Variants in PCDHGA1 observed in about 807,000 individuals in gnomAD.
PCDHGA1 encodes the protein protocadherin gamma-A1.
A neutral mutation model predicts 58.0 loss-of-function variants in PCDHGA1; 32 were observed. The ratio of observed to expected loss-of-function variants is 0.55; its 90% CI spans 0.42 to 0.74. The LOEUF is 0.74. PCDHGA1 is among the 30% of genes least tolerant of loss of function. The pLI, the probability that PCDHGA1 is intolerant of heterozygous loss-of-function variation, is 0.00. For synonymous variants in PCDHGA1, 498 were observed against 501.1 expected, an observed-to-expected ratio of 0.99 and a Z score of 0.08; for missense variants, 1,205 against 1,182.3, an observed-to-expected ratio of 1.02 and a Z score of -0.28.
In PCDHGA1 at chr5:141,344,253, C is replaced by G. The variant is rs200564331; in HGVS notation, c.2421+11148C>G. The G allele has an allele frequency of 3.0e-4, 487 of 1,614,050 alleles. No individual in the cohort carries two copies. The highest frequency in any genetic ancestry group is 3.8e-4 in the Non-Finnish European group (452 of 1,179,896). ...CATCGTCTCCAGAGGTAGGACGCAGCTTTTCTCTCTGAATCCGCAAAGCGG... is the reference window on the plus strand; with the variant it reads ...CATCGTCTCCAGAGGTAGGACGCAGGTTTTCTCTCTGAATCCGCAAAGCGG... On this transcript the variant is annotated intron_variant, in intron 1 of 3. Coordinates refer to ENST00000517417, the MANE Select transcript of PCDHGA1 (RefSeq NM_018912.3).
At chr5:141,425,391 A>G (rs2096872046) in intron 1 of PCDHGA1, among the ~76,000 whole-genome samples, 1 of 152,238 alleles carries the variant, frequency 6.6e-6, no homozygotes, top group South Asian at 2.1e-4. Flanking sequence ...AGGTAGTGAT[A>G]AAGTTCTGTT....
chr5:141,496,984 G>C (rs938752499), intron 2 of PCDHGA1, among the ~76,000 whole-genome samples: 1 of 151,896 alleles, frequency 6.6e-6, no homozygotes, highest in Admixed American at 6.6e-5. Context: ...TCAGGGGTTT[G>C]AGACCAGCCT....
intron 1 of PCDHGA1, chr5:141,374,803 A>C (rs371815306): frequency 4.3e-6 from 7 of 1,613,866 alleles, no homozygotes; most frequent in African/African-American, 4.0e-5. Flanking sequence ...ACAACACTCC[A>C]ATGTTTACTC....
At position 141,512,903 on chromosome 5, in the gene PCDHGA1, CAA is replaced by C. The variant is rs2099884494; in HGVS notation, c.*1731_*1732del. The C allele has an allele frequency of 6.6e-6, 1 of 152,224 alleles. No individual in the cohort carries two copies. Among genetic ancestry groups the C allele is most frequent in the African/African-American group, 2.4e-5 (1 of 41,452 alleles). 9.4% of individuals were successfully genotyped at this position (152,224 alleles called of 1,614,324 possible). On this transcript the variant is annotated 3_prime_UTR_variant, in exon 4 of 4. Transcript: ENST00000517417. ...CCCCACCCTCTTCCTGTGTCTCACG[CAA>C]GTTTTATACTCTAATATTTATATGG...
chr5:141,414,822 C>G, intron 1 of PCDHGA1: 3 of 1,614,240 alleles, frequency 1.9e-6, no homozygotes, highest in Non-Finnish European at 2.5e-6. Flanking sequence ...TCAGCAGCAA[C>G]GTGTCGTTGA....
intron 1 of PCDHGA1, chr5:141,350,478 A>T (rs527554810): frequency 6.2e-7 from 1 of 1,614,010 alleles, no homozygotes; most frequent in Admixed American, 1.7e-5. Flanking sequence ...GATTATTTCA[A>T]CGTTAGTTTG....
At position 141,490,688 on chromosome 5, in the gene PCDHGA1, C is replaced by A; in HGVS notation, c.2422-4119C>A. ...ACTGTGGCTGCCTCAGATCCAGACA[C>A]TGGGGATAATGCCCGCCTCACCTAC... On this transcript the variant is annotated intron_variant, in intron 1 of 3. Coordinates refer to ENST00000517417, the MANE Select transcript of PCDHGA1 (RefSeq NM_018912.3). The surrounding 1 kb of genome is among the most constrained non-coding windows in gnomAD (Gnocchi z 5.4). The A allele has an allele frequency of 6.2e-7, 1 of 1,614,218 alleles. No individual in the cohort carries two copies. The highest frequency in any genetic ancestry group is 8.5e-7 in the Non-Finnish European group (1 of 1,180,032).
In PCDHGA1 at chr5:141,341,386, G is replaced by C. The variant is rs770955944; in HGVS notation, c.2421+8281G>C. ...TACTCGAAGAAGAAAGAGAAGAAAC[G>C]TTTTCTCAGGTAATCTATCTTTTCA... is the stretch of plus-strand genomic sequence containing the variant. On this transcript the variant is annotated intron_variant, in intron 1 of 3. Transcript: ENST00000517417. 20 of 1,614,166 alleles carry C rather than the reference G, an allele frequency of 1.2e-5. No homozygotes were observed. The South Asian group carries it at 2.0e-4, about 16-fold the overall frequency.
chr5:141,332,755 CTG>C lies in PCDHGA1; in HGVS notation c.2073_2074del (p.Tyr692ProfsTer94), dbSNP rs1221413581. 1.2e-6 allele frequency: 2 copies of C among 1,613,978 alleles called. No homozygotes were observed. The highest frequency in any genetic ancestry group is 2.7e-5 in the African/African-American group (2 of 74,946). The part of the protein sequence containing the change: ...SAKPNDSDLT[L>X]YLVVAAAAVS... ...CAAACCCAACGATTCGGACCTCACT[CTG>C]TACCTGGTGGTGGCGGCGGCCGCGG... On this transcript the variant is annotated frameshift_variant, in exon 1 of 4. Coordinates refer to ENST00000517417, the MANE Select transcript of PCDHGA1 (RefSeq NM_018912.3). LOFTEE classifies it high-confidence loss of function. This position sits in a 1 kb window ranked among gnomAD's most constrained non-coding sequence, Gnocchi z 4.6.
chr5:141,481,733 C>A (rs2099543522), intron 1 of PCDHGA1, among the ~76,000 whole-genome samples: 1 of 152,078 alleles, frequency 6.6e-6, no homozygotes, highest in Admixed American at 6.6e-5. Context: ...GCGGGCGGAT[C>A]ACGAGGTCAG....
chr5:141,344,308 G>C, intron 1 of PCDHGA1: 3 of 1,614,068 alleles, frequency 1.9e-6, no homozygotes, highest in Non-Finnish European at 2.5e-6. Context: ...AGGATAGACC[G>C]GGAGGAGCTC....
intron 2 of PCDHGA1, among the ~76,000 whole-genome samples, chr5:141,502,152 C>T (rs1306227782): frequency 2.0e-5 from 3 of 152,128 alleles, no homozygotes; most frequent in African/African-American, 4.8e-5. Flanking sequence ...AAGTAAGGAC[C>T]CCAGATATTC....
chr5:141,467,736 G>A (rs1435480730), intron 1 of PCDHGA1, among the ~76,000 whole-genome samples: 1 of 151,902 alleles, frequency 6.6e-6, no homozygotes, highest in Non-Finnish European at 1.5e-5. Flanking sequence ...ATCCCAGCTC[G>A]CTGCAACCTC....
At chr5:141,423,463 G>T (rs772779471) in intron 1 of PCDHGA1, 22 of 1,613,992 alleles carry the variant, frequency 1.4e-5, no homozygotes, top group Non-Finnish European at 1.8e-5. Context: ...AGGCGTGGAC[G>T]GGGTACAGGC....
At chr5:141,365,734 T>G (rs145748099) in intron 1 of PCDHGA1, 1 of 1,613,550 alleles carries the variant, frequency 6.2e-7, no homozygotes, top group South Asian at 1.1e-5. Flanking sequence ...ATCCCAGAGG[T>G]GTCTCTATCT....
At chr5:141,359,934 C>A (rs1014353830) in intron 1 of PCDHGA1, 1 of 464,554 alleles carries the variant, frequency 2.2e-6, no homozygotes, top group East Asian at 3.3e-5. Flanking sequence ...AACCTCTGAG[C>A]GTCGCTGTTG....
At position 141,486,960 on chromosome 5, in the gene PCDHGA1, T is replaced by C; in HGVS notation, c.2422-7847T>C. On this transcript the variant is annotated intron_variant, in intron 1 of 3. Transcript: ENST00000517417. The surrounding 1 kb of genome is among the most constrained non-coding windows in gnomAD (Gnocchi z 5.0). Reference sequence around the variant, plus strand: ...CACCTAATCACAAAGGTGACTGCTGTGGACTTGGATTCAGGTTACAATGCT... The same window carrying C: ...CACCTAATCACAAAGGTGACTGCTGCGGACTTGGATTCAGGTTACAATGCT... The C allele has an allele frequency of 6.2e-7, 1 of 1,614,228 alleles. No individual in the cohort carries two copies. Among genetic ancestry groups the C allele is most frequent in the Non-Finnish European group, 8.5e-7 (1 of 1,180,034 alleles).
Position 141,489,819 on chromosome 5 carries a change from G to T in PCDHGA1, c.2422-4988G>T. On this transcript the variant is annotated intron_variant, in intron 1 of 3. Transcript: ENST00000517417. This position sits in a 1 kb window ranked among gnomAD's most constrained non-coding sequence, Gnocchi z 4.5. ...TAAAAGATGGGAAGCCATTCCCAGA[G>T]CTGGTGCTAGAGCAGCAGCTGGATC... 6.2e-7 allele frequency: 1 copy of T among 1,614,190 alleles called. No homozygotes were observed.
intron 1 of PCDHGA1, chr5:141,478,642 T>C (rs777741719): frequency 6.4e-7 from 1 of 1,552,350 alleles, no homozygotes; most frequent in Non-Finnish European, 8.7e-7. Context: ...GTGATGAAGA[T>C]GTTTTCCTGG....
Sources: allele counts gnomAD v4.1 joint callset (sites outside exome capture counted in the v4.1 genomes callset), GRCh38; gene constraint gnomAD v4.1.1; non-coding constraint Gnocchi (gnomAD v3.1); transcripts MANE v1.5; gene names NCBI Gene and HGNC (gene_info 2026-07-23, HGNC 2026-07-21).